GBE1: variants seen among roughly 807,000 people sequenced by gnomAD.
GBE1 encodes 1,4-alpha-glucan-branching enzyme.
In GBE1, 70 loss-of-function variants were observed where a neutral mutation model predicts 88.8. The ratio of observed to expected loss-of-function variants is 0.79; its 90% CI spans 0.65 to 0.96. The LOEUF is 0.96. Ranked by LOEUF, GBE1 falls within the 40% of genes least tolerant of loss-of-function variation. The probability of loss-of-function intolerance (pLI) is 0.00; values close to 1 mark genes in which losing one functional copy is unlikely to be tolerated. For synonymous variants in GBE1, 284 were observed against 300.1 expected, an observed-to-expected ratio of 0.95 and a Z score of 0.56; for missense variants, 872 against 871.0, an observed-to-expected ratio of 1.00 and a Z score of -0.01.
chr3:81,628,132 T>C (rs887029854), intron 7 of GBE1, among the ~76,000 whole-genome samples: 1 of 152,068 alleles, frequency 6.6e-6, no homozygotes, highest in African/African-American at 2.4e-5. Context: ...TTCCAACCCC[T>C]TTCAGACTCA....
chr3:81,663,318 C>T (rs998482638), intron 3 of GBE1, among the ~76,000 whole-genome samples: 1 of 152,176 alleles, frequency 6.6e-6, no homozygotes, highest in African/African-American at 2.4e-5. Flanking sequence ...TCGAGAGGAC[C>T]ACATCAGCGT....
chr3:81,561,393 CATG>C (rs1483658570), intron 12 of GBE1, among the ~76,000 whole-genome samples: 1 of 152,062 alleles, frequency 6.6e-6, no homozygotes, highest in Admixed American at 6.6e-5. Flanking sequence ...TCATTTTGTA[CATG>C]ATAAGTTAGG....
In GBE1 at chr3:81,620,429, G is replaced by A. The variant is rs970255284; in HGVS notation, c.992+22352C>T. On this transcript the variant is annotated intron_variant, in intron 7 of 15. Coordinates refer to ENST00000429644, the MANE Select transcript of GBE1 (RefSeq NM_000158.4). ...GAACTCCTGACCTCGTAATCCGCCC[G>A]CCTCGGCCTCCCAAGACATGGAAAT... Among the ~76,000 whole-genome samples the A allele has an allele frequency of 5.3e-5, 8 of 152,024 alleles. No individual in the cohort carries two copies. The East Asian group carries it at 7.7e-4, about 15-fold the overall frequency.
At chr3:81,586,250 A>AC in intron 9 of GBE1, 60 bp from the exon 10 acceptor site, 1 of 1,003,934 alleles carries the variant, frequency 1.0e-6, no homozygotes, top group Non-Finnish European at 1.5e-6. Context: ...CTGACTGTAA[A>AC]GCCCAGGTCA....
rs34753672 is a variant in GBE1 at position 81,509,294 on chromosome 3, CTT to C, written c.1935-10069_1935-10068del. On this transcript the variant is annotated intron_variant, in intron 14 of 15. Transcript: ENST00000429644. Reference sequence around the variant, plus strand: ...TCTTTTTTTAAATTTTAGGGTTTGTCTTTTTTTTTTTTTTTTTATAAAAAAGA... The same window carrying C: ...TCTTTTTTTAAATTTTAGGGTTTGTCTTTTTTTTTTTTTTTATAAAAAAGA... Among the ~76,000 whole-genome samples the C allele has an allele frequency of 9.2e-4, 114 of 123,758 alleles. 1 individual carries two copies. Among genetic ancestry groups the C allele is most frequent in the Middle Eastern group, 4.2e-3 (1 of 238 alleles). 81.2% of individuals were successfully genotyped at this position (123,758 alleles called of 152,430 possible).
intron 14 of GBE1, among the ~76,000 whole-genome samples, chr3:81,506,807 C>T (rs550527326): frequency 6.6e-6 from 1 of 152,254 alleles, no homozygotes; most frequent in African/African-American, 2.4e-5. Flanking sequence ...CCTTAGCAAA[C>T]TAACACAGAA....
intron 7 of GBE1, among the ~76,000 whole-genome samples, chr3:81,595,000 C>A (rs1292535712): frequency 6.6e-6 from 1 of 151,372 alleles, no homozygotes; most frequent in Non-Finnish European, 1.5e-5. Flanking sequence ...AATAATCTGA[C>A]ATAAATGAAG....
chr3:81,547,363 C>T (rs987006592), intron 12 of GBE1, among the ~76,000 whole-genome samples: 2 of 151,576 alleles, frequency 1.3e-5, no homozygotes, highest in African/African-American at 4.8e-5. Context: ...CTGCTATGCT[C>T]TTTGGAGTAA....
intron 7 of GBE1, among the ~76,000 whole-genome samples, chr3:81,630,965 G>A (rs993253117): frequency 6.6e-6 from 1 of 152,148 alleles, no homozygotes; most frequent in Admixed American, 6.6e-5. Context: ...CACTTTCAGA[G>A]GCTGAAGTGG....
chr3:81,594,191 G>T (rs1362358676), intron 7 of GBE1, among the ~76,000 whole-genome samples, 168 bp from the exon 8 acceptor site: 5 of 152,048 alleles, frequency 3.3e-5, no homozygotes, highest in Admixed American at 2.6e-4. Context: ...ATCTCAGTTG[G>T]TTGATGAAAC....
chr3:81,677,978 T>C (rs1302527823), intron 2 of GBE1, among the ~76,000 whole-genome samples: 3 of 152,202 alleles, frequency 2.0e-5, no homozygotes, highest in Non-Finnish European at 4.4e-5. Flanking sequence ...ATCATGTATA[T>C]CTAGCTTTCT....
intron 14 of GBE1, 95 bp from the exon 15 acceptor site, chr3:81,499,322 A>G (rs1384690936): frequency 1.3e-6 from 1 of 757,160 alleles, no homozygotes; most frequent in Admixed American, 2.0e-5. Flanking sequence ...GTTTTTGAGC[A>G]GTGTTAAATC....
intron 7 of GBE1, chr3:81,612,242 A>AG: frequency 5.6e-6 from 3 of 532,360 alleles, no homozygotes; most frequent in Non-Finnish European, 8.6e-6. Flanking sequence ...AAAAAAAAAA[A>AG]ACTTAAAGAA....
intron 11 of GBE1, 40 bp from the exon 12 acceptor site, chr3:81,578,136 A>G (rs76259519): frequency 7.0e-7 from 1 of 1,429,504 alleles, no homozygotes; most frequent in Non-Finnish European, 9.5e-7. Context: ...GAAAAAAAAA[A>G]GTGCTAAGTA....
intron 2 of GBE1, among the ~76,000 whole-genome samples, chr3:81,686,342 C>T (rs187529351): frequency 3.1e-4 from 47 of 152,010 alleles, no homozygotes; most frequent in East Asian, 1.3e-3. Flanking sequence ...TATATGGAGG[C>T]GGGAGGGAAG....
At chr3:81,580,758 GA>G (rs1270880844) in intron 11 of GBE1, among the ~76,000 whole-genome samples, 1 of 152,030 alleles carries the variant, frequency 6.6e-6, no homozygotes, top group Admixed American at 6.6e-5. Context: ...TGACTGAGGG[GA>G]AAAACTGAAG....
At chr3:81,624,657 T>A (rs1559667064) in intron 7 of GBE1, among the ~76,000 whole-genome samples, 1 of 151,660 alleles carries the variant, frequency 6.6e-6, no homozygotes, top group Non-Finnish European at 1.5e-5. Context: ...CACACATGCA[T>A]ACACACACAC....
At chr3:81,761,180 C>T (rs1448995368) in intron 1 of GBE1, among the ~76,000 whole-genome samples, 195 bp downstream of exon 1, 2 of 152,238 alleles carry the variant, frequency 1.3e-5, no homozygotes, top group Non-Finnish European at 2.9e-5. Flanking sequence ...GCTCCGGGCA[C>T]CAGCGCTGTC....
At chr3:81,640,693 T>C (rs945838323) in intron 7 of GBE1, among the ~76,000 whole-genome samples, 1 of 151,882 alleles carries the variant, frequency 6.6e-6, no homozygotes, top group African/African-American at 2.4e-5. Context: ...TATAAACCTA[T>C]ATAGAAAATA....
Sources: allele counts gnomAD v4.1 joint callset (sites outside exome capture counted in the v4.1 genomes callset), GRCh38; gene constraint gnomAD v4.1.1; transcripts MANE v1.5; gene names NCBI Gene and HGNC (gene_info 2026-07-23, HGNC 2026-07-21).